SLC35F5: variants seen among roughly 807,000 people sequenced by gnomAD.
SLC35F5 encodes the protein solute carrier family 35 member F5.
A neutral mutation model predicts 68.6 loss-of-function variants in SLC35F5; 54 were observed. That is an observed-to-expected ratio of 0.79 (90% CI 0.63 to 0.99). The LOEUF (loss-of-function observed/expected upper bound fraction) is 0.99, where lower values mean the gene tolerates loss of function less well. Among genes scored for constraint, SLC35F5 ranks in the 50% least tolerant of loss-of-function variants. SLC35F5 has a pLI of 0.00. For missense variants in SLC35F5, 567 were observed against 626.9 expected (o/e 0.90, Z 1.02); for synonymous variants, 211 against 205.2 (o/e 1.03, Z -0.24).
At chr2:113,721,191 T>C (rs1022659579) in intron 13 of SLC35F5, 8 of 152,034 alleles carry the variant, frequency 5.3e-5, no homozygotes, top group Admixed American at 1.3e-4. Context: ...ATTTCTCTTA[T>C]GTTTGTGTTA....
chr2:113,707,824 G>T lies in SLC35F5; in HGVS notation c.*7394C>A, dbSNP rs1443739822. The stretch of plus-strand genomic sequence containing the variant: ...GATCCACCCGCCTCGGACTCCCAAA[G>T]TGCTGGGATTACAGGTGTGAGCCAC... On this transcript the variant is annotated 3_prime_UTR_variant, in exon 16 of 16. Coordinates refer to ENST00000245680, the MANE Select transcript of SLC35F5 (RefSeq NM_025181.5). Among the ~76,000 whole-genome samples, 2 of 152,166 alleles carry T rather than the reference G, an allele frequency of 1.3e-5. No homozygotes were observed. Among genetic ancestry groups the T allele is most frequent in the Non-Finnish European group, 2.9e-5 (2 of 68,030 alleles).
At position 113,732,967 on chromosome 2, in the gene SLC35F5, T is replaced by G. The variant is rs1687953954; in HGVS notation, c.921-1319A>C. Among the ~76,000 whole-genome samples, 3 of 152,188 alleles carry G rather than the reference T, an allele frequency of 2.0e-5. No homozygotes were observed. The South Asian group carries it at 6.2e-4, about 31-fold the overall frequency. On this transcript the variant is annotated intron_variant, in intron 9 of 15. Transcript: ENST00000245680. ...CTCAATTGATGAAATGAGATTTCTT[T>G]GCTTAGATTCCCTTCAAGATTGTTG... is the stretch of plus-strand genomic sequence containing the variant.
chr2:113,744,264 T>C (rs1293917536), intron 5 of SLC35F5, among the ~76,000 whole-genome samples: 2 of 152,142 alleles, frequency 1.3e-5, no homozygotes, highest in Admixed American at 6.5e-5. Context: ...GATAACAAAC[T>C]GATAACCAGG....
intron 11 of SLC35F5, among the ~76,000 whole-genome samples, chr2:113,727,793 G>A (rs1687722218): frequency 6.6e-6 from 1 of 151,994 alleles, no homozygotes; most frequent in Non-Finnish European, 1.5e-5. Context: ...CATATGAACA[G>A]GACCAACACA....
chr2:113,724,307 A>G (rs1256693129), intron 12 of SLC35F5, among the ~76,000 whole-genome samples: 3 of 152,228 alleles, frequency 2.0e-5, no homozygotes, highest in Non-Finnish European at 2.9e-5. Context: ...AGGTGGATCC[A>G]ATTTAGCTAA....
intron 11 of SLC35F5, among the ~76,000 whole-genome samples, chr2:113,727,506 A>G (rs544768658): frequency 9.1e-4 from 138 of 152,298 alleles, no homozygotes; most frequent in Middle Eastern, 3.4e-3. Context: ...AGTCTATGAA[A>G]TCCCACGTAA....
intron 11 of SLC35F5, among the ~76,000 whole-genome samples, chr2:113,729,148 G>T (rs572020160): frequency 6.6e-6 from 1 of 152,192 alleles, no homozygotes. Flanking sequence ...GCAGTCTGAA[G>T]ACATCAATTT....
chr2:113,711,578 G>A lies in SLC35F5; in HGVS notation c.*3640C>T, dbSNP rs947144479. ...AAAATCAACCTCAATTTATCTAAAT[G>A]GGATTTGGGGGACACGGCAGACTAT... On this transcript the variant is annotated 3_prime_UTR_variant, in exon 16 of 16. Transcript: ENST00000245680. 6.6e-6 allele frequency among the ~76,000 whole-genome samples: 1 copy of A among 152,132 alleles called. No homozygotes were observed. The highest frequency in any genetic ancestry group is 1.5e-5 in the Non-Finnish European group (1 of 68,018).
Position 113,755,562 on chromosome 2 carries a change from A to C in SLC35F5, c.41-18T>G, listed in dbSNP as rs768447920. The stretch of plus-strand genomic sequence containing the variant: ...CAGCACCCCTAAAAACAACCATGAA[A>C]TTATGCTATGAAAACGTGAATAACT... On this transcript the variant is annotated intron_variant, in intron 1 of 15. Transcript: ENST00000245680. 3 of 1,603,098 alleles carry C rather than the reference A, an allele frequency of 1.9e-6. No individual in the cohort carries two copies. The South Asian group carries it at 3.3e-5, about 18-fold the overall frequency.
intron 14 of SLC35F5, among the ~76,000 whole-genome samples, chr2:113,718,865 AAAAGAAAG>A (rs765844454): frequency 0.027 from 3,355 of 123,458 alleles, 71 homozygotes; most frequent in East Asian, 0.055. Flanking sequence ...GAGAGAAAGA[AAAAGAAAG>A]AAAGAAAGAA....
chr2:113,705,667 A>G (rs997012284), downstream of SLC35F5: 1 of 152,220 alleles, frequency 6.6e-6, no homozygotes, highest in Non-Finnish European at 1.5e-5. Flanking sequence ...GAAAGAAGTT[A>G]TAAGTAGTCA....
In SLC35F5 at chr2:113,742,546, C is replaced by T. The variant is rs1676317524; in HGVS notation, c.750+146G>A. ...GCATTTATTAATTTTGATACCCTAA[C>T]TTCCTACCGGTATCAAATAGCAGAG... is the stretch of plus-strand genomic sequence containing the variant. On this transcript the variant is annotated intron_variant, in intron 7 of 15. Coordinates refer to ENST00000245680, the MANE Select transcript of SLC35F5 (RefSeq NM_025181.5). 1.1e-5 allele frequency: 8 copies of T among 742,328 alleles called. No individual in the cohort carries two copies. The South Asian group carries it at 1.5e-4, about 14-fold the overall frequency. The allele number at this position is 742,328 out of a possible 1,614,324, so 46.0% of individuals were successfully genotyped here.
In SLC35F5 at chr2:113,707,945, TC is replaced by T. The variant is rs1686846017; in HGVS notation, c.*7272del. ...GGCACTTATTTTTTTTAAACCATTA[TC>T]AGATATTTCATGTTCTACTAGTAAA... On this transcript the variant is annotated 3_prime_UTR_variant, in exon 16 of 16. Coordinates refer to ENST00000245680, the MANE Select transcript of SLC35F5 (RefSeq NM_025181.5). Among the ~76,000 whole-genome samples the T allele has an allele frequency of 6.6e-6, 1 of 152,166 alleles. No individual in the cohort carries two copies. Among genetic ancestry groups the T allele is most frequent in the South Asian group, 2.1e-4 (1 of 4,824 alleles).
At position 113,756,387 on chromosome 2, in the gene SLC35F5, CG is replaced by C. The variant is rs773893829; in HGVS notation, c.22del (p.Arg8AlafsTer9). 3.2e-6 allele frequency: 5 copies of C among 1,567,572 alleles called. No homozygotes were observed. In the African/African-American group the frequency reaches 6.8e-5, roughly 21 times the overall value. MVPPRRH[R>X]GAGRPGVLSS... ...CTGCCTACCTGGCCTTCCTGCCCCG[CG>C]ATGGCGTCGTGGCGGCACCATGAGC... On this transcript the variant is annotated frameshift_variant, in exon 1 of 16. Transcript: ENST00000245680. LOFTEE classifies it high-confidence loss of function.
chr2:113,706,768 A>G lies in SLC35F5; in HGVS notation c.*8450T>C, dbSNP rs1353607543. On this transcript the variant is annotated 3_prime_UTR_variant, in exon 16 of 16. Transcript: ENST00000245680. Reference sequence around the variant, plus strand: ...AGGAAACTAGAAATCAAATATTTGTATAAGGACAGATTTGAGGTTTTTCTG... The same window carrying G: ...AGGAAACTAGAAATCAAATATTTGTGTAAGGACAGATTTGAGGTTTTTCTG... Among the ~76,000 whole-genome samples the G allele has an allele frequency of 1.3e-5, 2 of 152,230 alleles. No individual in the cohort carries two copies. Among genetic ancestry groups the G allele is most frequent in the South Asian group, 2.1e-4 (1 of 4,830 alleles).
Position 113,742,864 on chromosome 2 carries a change from C to A in SLC35F5, c.578G>T (p.Arg193Leu), listed in dbSNP as rs776435612. Reference protein sequence around the residue: ...IDTEKTPKKSRVRFSNIMEIR... With the variant: ...IDTEKTPKKSLVRFSNIMEIR... ...CTCCATGATATTACTGAACCTCACA[C>A]GAGACTTTTTGGGGGCTTAAAAGGA... is the stretch of plus-strand genomic sequence containing the variant. Residue 193 changes from arginine (R) to leucine (L), a missense_variant, in exon 7 of 16, where the codon CGT (arginine) becomes CTT (leucine). By Grantham distance (102) the Arg-to-Leu change is moderately radical. Transcript: ENST00000245680. 2.5e-6 allele frequency: 4 copies of A among 1,612,908 alleles called. No individual in the cohort carries two copies. In the African/African-American group the frequency reaches 5.3e-5, roughly 22 times the overall value.
Position 113,750,544 on chromosome 2 carries a change from G to A in SLC35F5, c.298C>T (p.Pro100Ser), listed in dbSNP as rs1302516663. Residue 100 changes from proline to serine, a missense_variant, in exon 4 of 16, where the codon CCA (proline) becomes TCA (serine). Coordinates refer to ENST00000245680, the MANE Select transcript of SLC35F5 (RefSeq NM_025181.5). ...TSYVFTQYNK[P>S]FFSTFAKTSM... ...GTTTTTGCAAAGGTGCTGAAGAATG[G>A]TTTGTTGTACTGGGTAAAAACATAC... is the stretch of plus-strand genomic sequence containing the variant. 6.2e-7 allele frequency: 1 copy of A among 1,611,750 alleles called. No homozygotes were observed. The highest frequency in any genetic ancestry group is 8.5e-7 in the Non-Finnish European group (1 of 1,178,904).
chr2:113,753,180 T>C (rs1300513112), intron 3 of SLC35F5, among the ~76,000 whole-genome samples: 3 of 132,342 alleles, frequency 2.3e-5, no homozygotes, highest in Admixed American at 7.6e-5. Flanking sequence ...TTTTTTTTTT[T>C]TTTTTTTTTT....
chr2:113,745,805 C>T (rs1042346355), intron 5 of SLC35F5, among the ~76,000 whole-genome samples: 5 of 152,174 alleles, frequency 3.3e-5, no homozygotes, highest in Non-Finnish European at 5.9e-5. Flanking sequence ...ACTTTACTTG[C>T]TTATTACCTG....
Sources: allele counts gnomAD v4.1 joint callset (sites outside exome capture counted in the v4.1 genomes callset), GRCh38; gene constraint gnomAD v4.1.1; transcripts MANE v1.5; gene names NCBI Gene and HGNC (gene_info 2026-07-23, HGNC 2026-07-21).